TTI2: variants seen among roughly 807,000 people sequenced by gnomAD.
The protein encoded by TTI2 is TELO2-interacting protein 2.
In TTI2, 26 loss-of-function variants were observed where a neutral mutation model predicts 44.9. The observed-to-expected ratio is 0.58, with a 90% CI of 0.42 to 0.80. TTI2 has a LOEUF of 0.80. Ranked by LOEUF, TTI2 falls within the 30% of genes least tolerant of loss-of-function variation. The probability of loss-of-function intolerance (pLI) is 0.00; values close to 1 mark genes in which losing one functional copy is unlikely to be tolerated. For missense variants in TTI2, 582 were observed against 611.6 expected (o/e 0.95, Z 0.51); for synonymous variants, 254 against 250.9 (o/e 1.01, Z -0.12).
At chr8:33,505,379 C>CT (rs1809257511) in intron 4 of TTI2, among the ~76,000 whole-genome samples, 1 of 152,052 alleles carries the variant, frequency 6.6e-6, no homozygotes, top group African/African-American at 2.4e-5. Flanking sequence ...TCCTAAGAAA[C>CT]TTTTACTTAT....
At position 33,498,966 on chromosome 8, in the gene TTI2, C is replaced by G; in HGVS notation, c.*207G>C. On this transcript the variant is annotated 3_prime_UTR_variant, in exon 8 of 8. Transcript: ENST00000431156. ...ACATTACTTGGTGTCCTTTTTTCTCCCAAACTTTATTTAGAAATGGAAGGA... is the reference window on the plus strand; with the variant it reads ...ACATTACTTGGTGTCCTTTTTTCTCGCAAACTTTATTTAGAAATGGAAGGA... 3.4e-6 allele frequency: 2 copies of G among 587,174 alleles called. No individual in the cohort carries two copies. Among genetic ancestry groups the G allele is most frequent in the South Asian group, 4.4e-5 (2 of 45,932 alleles). The allele number at this position is 587,174 out of a possible 1,614,324, so 36.4% of individuals were successfully genotyped here. A position where few individuals can be genotyped will look rare whatever the true frequency, so the allele number is the denominator to read the frequency against.
Position 33,507,197 on chromosome 8 carries a change from C to T in TTI2, c.927+32G>A, listed in dbSNP as rs1452751710. The T allele has an allele frequency of 1.9e-6, 3 of 1,584,586 alleles. No individual in the cohort carries two copies. The Admixed American group carries it at 5.0e-5, about 26-fold the overall frequency. ...ACCTTCTACTCAAATTCAGAGAATC[C>T]AGACCCAGTTATGAAGAAATCATAC... On this transcript the variant is annotated intron_variant, in intron 4 of 7. Coordinates refer to ENST00000431156, the MANE Select transcript of TTI2 (RefSeq NM_001102401.4).
chr8:33,511,590 A>C (rs1040892652), intron 2 of TTI2, among the ~76,000 whole-genome samples: 4 of 152,130 alleles, frequency 2.6e-5, no homozygotes, highest in Non-Finnish European at 5.9e-5. Context: ...GTATAACGCT[A>C]TAAAAAATTA....
Position 33,499,112 on chromosome 8 carries a change from T to G in TTI2, c.*61A>C. 1 of 1,324,724 alleles carries G rather than the reference T, an allele frequency of 7.5e-7. No individual in the cohort carries two copies. The highest frequency in any genetic ancestry group is 1.1e-6 in the Non-Finnish European group (1 of 917,916). 82.1% of individuals were successfully genotyped at this position (1,324,724 alleles called of 1,614,324 possible). On this transcript the variant is annotated 3_prime_UTR_variant, in exon 8 of 8. Coordinates refer to ENST00000431156, the MANE Select transcript of TTI2 (RefSeq NM_001102401.4). ...AAAATATCTTTTTTTCTTAAATAAC[T>G]CCATTCATACAAATTGGGATGGGAA...
intron 4 of TTI2, among the ~76,000 whole-genome samples, chr8:33,504,146 C>T (rs1809210374): frequency 6.6e-6 from 1 of 152,104 alleles, no homozygotes; most frequent in Non-Finnish European, 1.5e-5. Flanking sequence ...CAAATCAATA[C>T]ATTCTCCTCA....
intron 2 of TTI2, among the ~76,000 whole-genome samples, chr8:33,511,518 T>G (rs1463032241): frequency 6.6e-6 from 1 of 152,178 alleles, no homozygotes; most frequent in Non-Finnish European, 1.5e-5. Context: ...TTTCTGGGCC[T>G]TAAGAGATCC....
intron 4 of TTI2, among the ~76,000 whole-genome samples, chr8:33,506,207 C>T (rs745311631): frequency 1.1e-4 from 17 of 152,134 alleles, no homozygotes; most frequent in Non-Finnish European, 2.4e-4. Context: ...TATCTTAAAG[C>T]CAAAAATCCC....
At chr8:33,508,047 A>AT (rs1229463211) in intron 3 of TTI2, among the ~76,000 whole-genome samples, 4 of 107,376 alleles carry the variant, frequency 3.7e-5, no homozygotes, top group Non-Finnish European at 5.4e-5. Flanking sequence ...TTGTCCTGTC[A>AT]TTTTTTCTGA....
intron 6 of TTI2, among the ~76,000 whole-genome samples, chr8:33,502,655 T>C (rs1029207351): frequency 1.3e-5 from 2 of 151,606 alleles, no homozygotes; most frequent in African/African-American, 4.9e-5. Context: ...AAACACCATC[T>C]CTACTAAAAA....
Position 33,503,973 on chromosome 8 carries a change from C to T in TTI2, c.928-38G>A, listed in dbSNP as rs781483239. 4 of 1,605,890 alleles carry T rather than the reference C, an allele frequency of 2.5e-6. No homozygotes were observed. The East Asian group carries it at 8.9e-5, about 36-fold the overall frequency. On this transcript the variant is annotated intron_variant, in intron 4 of 7. Coordinates refer to ENST00000431156, the MANE Select transcript of TTI2 (RefSeq NM_001102401.4). ...AATGGAAGGACGGTGCATAGTTCAT[C>T]CATTTGCATTTACAATACTCACTGA...
chr8:33,511,865 G>C, intron 2 of TTI2, 102 bp downstream of exon 2: 1 of 1,356,114 alleles, frequency 7.4e-7, no homozygotes, highest in Non-Finnish European at 1.0e-6. Context: ...CTCCACCCTG[G>C]GCAACAAGAG....
chr8:33,509,678 A>G lies in TTI2; in HGVS notation c.834+68T>C, dbSNP rs1809446306. 21 of 1,473,672 alleles carry G rather than the reference A, an allele frequency of 1.4e-5. 1 individual carries two copies. The highest frequency in any genetic ancestry group is 3.5e-4 in the Middle Eastern group (2 of 5,786). The allele number at this position is 1,473,672 out of a possible 1,614,324, so 91.3% of individuals were successfully genotyped here. ...AGTTGAATGACTTAGCATTACTAGA[A>G]ATGAAGAACAGCCAGGAATGACTCA... On this transcript the variant is annotated intron_variant, in intron 3 of 7. Coordinates refer to ENST00000431156, the MANE Select transcript of TTI2 (RefSeq NM_001102401.4).
At chr8:33,504,040 AC>A in intron 4 of TTI2, 105 bp from the exon 5 acceptor site, 1 of 1,204,426 alleles carries the variant, frequency 8.3e-7, no homozygotes, top group Non-Finnish European at 1.2e-6. Flanking sequence ...TAGGGTCCAT[AC>A]CAGAGAATTC....
chr8:33,509,161 A>G (rs1283548261), intron 3 of TTI2, among the ~76,000 whole-genome samples: 4 of 150,358 alleles, frequency 2.7e-5, no homozygotes, highest in Non-Finnish European at 5.9e-5. Flanking sequence ...AGAAAGAAAG[A>G]AAGGAAGTAG....
Position 33,503,585 on chromosome 8 carries a change from G to C in TTI2, c.1116-13C>G. The C allele has an allele frequency of 1.2e-6, 2 of 1,613,504 alleles. No homozygotes were observed. Among genetic ancestry groups the C allele is most frequent in the South Asian group, 2.2e-5 (2 of 91,084 alleles). On this transcript the variant is annotated splice_polypyrimidine_tract_variant and intron_variant, in intron 5 of 7. Transcript: ENST00000431156. ...TAGGATCCCCAACCTAAAGATGAAA[G>C]AGAAAATATGACGCCAGTGCAGTGG...
intron 4 of TTI2, among the ~76,000 whole-genome samples, chr8:33,504,289 A>AGTTTTT (rs1809217206): frequency 1.4e-5 from 1 of 72,978 alleles, no homozygotes; most frequent in Non-Finnish European, 2.4e-5. Context: ...ATATTTACAC[A>AGTTTTT]TTTTTTTTTT....
Position 33,512,336 on chromosome 8 carries a change from G to A in TTI2, c.278C>T (p.Ala93Val). 2 of 1,614,190 alleles carry A rather than the reference G, an allele frequency of 1.2e-6. No homozygotes were observed. Among genetic ancestry groups the A allele is most frequent in the Non-Finnish European group, 1.7e-6 (2 of 1,180,042 alleles). Reference protein sequence around the residue: ...GQVAKALEKYAAPSKEEEGGG... With the variant: ...GQVAKALEKYVAPSKEEEGGG... ...ACCTTCCTCCTCCTTGGAGGGGGCTGCATACTTCTCCAGGGCTTTTGCTAC... is the reference window on the plus strand; with the variant it reads ...ACCTTCCTCCTCCTTGGAGGGGGCTACATACTTCTCCAGGGCTTTTGCTAC... The change falls in exon 2 of 8, where the codon GCA becomes GTA. Residue 93 changes from alanine to valine, a missense_variant. Ala to Val is a moderately conservative substitution (Grantham distance 64, BLOSUM62 0). Transcript: ENST00000431156.
intron 2 of TTI2, 47 bp from the exon 3 acceptor site, chr8:33,509,979 CAAAAAAA>C (rs10588315): frequency 1.1e-4 from 44 of 418,030 alleles, no homozygotes; most frequent in Non-Finnish European, 1.1e-4. Context: ...TGATAAGTAG[CAAAAAAA>C]AAAAAAAAAA....
At chr8:33,511,075 C>G (rs957628277) in intron 2 of TTI2, among the ~76,000 whole-genome samples, 1 of 152,140 alleles carries the variant, frequency 6.6e-6, no homozygotes, top group Non-Finnish European at 1.5e-5. Flanking sequence ...CGATGTCTTG[C>G]TCTGTTGCCC....
Sources: allele counts gnomAD v4.1 joint callset (sites outside exome capture counted in the v4.1 genomes callset), GRCh38; gene constraint gnomAD v4.1.1; transcripts MANE v1.5; gene names NCBI Gene and HGNC (gene_info 2026-07-23, HGNC 2026-07-21).